The following DNAH6 variants were observed in gnomAD, a reference collection of about 807,000 sequenced individuals.
The protein encoded by DNAH6 is dynein axonemal heavy chain 6, also known as axonemal beta dynein heavy chain 6.
In DNAH6, 340 loss-of-function variants were observed where a neutral mutation model predicts 491.4. The ratio of observed to expected loss-of-function variants is 0.69; its 90% CI spans 0.63 to 0.76. DNAH6 has a LOEUF of 0.76. DNAH6 is among the 30% of genes least tolerant of loss of function. DNAH6 has a pLI of 0.00. For missense variants in DNAH6, 4,443 were observed against 4,972.2 expected, an observed-to-expected ratio of 0.89 and a Z score of 3.20; for synonymous variants, 1,603 against 1,686.1, an observed-to-expected ratio of 0.95 and a Z score of 1.21.
rs184618019 is a variant in DNAH6 at position 84,653,784 on chromosome 2, C to T, written c.5544C>T (p.Asn1848=). 4.5e-6 allele frequency: 7 copies of T among 1,551,432 alleles called. No homozygotes were observed. In the Admixed American group the frequency reaches 1.4e-4, roughly 30 times the overall value. The part of the protein sequence containing the change: ...DGPVDALWIE[N]MNTVLDDNKM... Reference sequence around the variant, plus strand: ...CAGTAGATGCTCTTTGGATTGAAAACATGAATACAGTGCTGGATGATAACA... The same window carrying T: ...CAGTAGATGCTCTTTGGATTGAAAATATGAATACAGTGCTGGATGATAACA... Residue 1848 remains asparagine (N), a synonymous_variant, in exon 34 of 77, where the codon AAC becomes AAT. Coordinates refer to ENST00000389394, the MANE Select transcript of DNAH6 (RefSeq NM_001370.2).
At chr2:84,577,736 T>C (rs896939827) in intron 13 of DNAH6, among the ~76,000 whole-genome samples, 2 of 128,028 alleles carry the variant, frequency 1.6e-5, no homozygotes, top group African/African-American at 6.0e-5. Flanking sequence ...TGGTTGATTC[T>C]AGACCACCGA....
In DNAH6 at chr2:84,594,037, C is replaced by T. The variant is rs1393353541; in HGVS notation, c.2676C>T (p.Leu892=). The T allele has an allele frequency of 1.4e-5, 22 of 1,550,782 alleles. No individual in the cohort carries two copies. In the Middle Eastern group the frequency reaches 5.0e-4, roughly 35 times the overall value. The part of the protein sequence containing the change: ...VSAELKLKQL[L]WDSFSEWDKL... ...CTGAACTGAAGCTCAAACAATTGCTCTGGGATTCTTTCTCTGAATGGGATA... is the reference window on the plus strand; with the variant it reads ...CTGAACTGAAGCTCAAACAATTGCTTTGGGATTCTTTCTCTGAATGGGATA... The change falls in exon 17 of 77, where the codon CTC becomes CTT. Residue 892 remains leucine (L), a synonymous_variant. Coordinates refer to ENST00000389394, the MANE Select transcript of DNAH6 (RefSeq NM_001370.2).
At chr2:84,757,780 T>C (rs1674189014) in intron 63 of DNAH6, among the ~76,000 whole-genome samples, 1 of 152,192 alleles carries the variant, frequency 6.6e-6, no homozygotes, top group Admixed American at 6.6e-5. Flanking sequence ...ATAACTCACT[T>C]CTATGGTACA....
At chr2:84,506,947 C>T in the DNAH6 span, among the ~76,000 whole-genome samples, 1 of 152,112 alleles carries the variant, frequency 6.6e-6, no homozygotes, top group African/African-American at 2.4e-5. Flanking sequence ...GGTACCAGTA[C>T]CATGCTGTTT....
chr2:84,619,675 T>A lies in DNAH6; in HGVS notation c.3573-10T>A. The A allele has an allele frequency of 6.5e-7, 1 of 1,549,534 alleles. No homozygotes were observed. The highest frequency in any genetic ancestry group is 8.7e-7 in the Non-Finnish European group (1 of 1,145,084). On this transcript the variant is annotated splice_polypyrimidine_tract_variant and intron_variant, in intron 23 of 76. Coordinates refer to ENST00000389394, the MANE Select transcript of DNAH6 (RefSeq NM_001370.2). ...TTCAAGTTATATTTTAAGGATGTTC[T>A]TTAATCCAGGTTTTACTTCTTGTCA...
In DNAH6 at chr2:84,704,187, A is replaced by C. The variant is rs1004534122; in HGVS notation, c.8350A>C (p.Asn2784His). The C allele has an allele frequency of 1.3e-6, 2 of 1,551,938 alleles. No homozygotes were observed. The highest frequency in any genetic ancestry group is 1.7e-6 in the Non-Finnish European group (2 of 1,147,064). The change falls in exon 51 of 77, where the codon AAT becomes CAT. Residue 2784 changes from asparagine to histidine, a missense_variant. By Grantham distance (68) the Asn-to-His change is moderately conservative. This residue lies in a region of DNAH6 where 1,463 missense variants were observed against 1,656.6 expected (regional missense o/e 0.88). Coordinates refer to ENST00000389394, the MANE Select transcript of DNAH6 (RefSeq NM_001370.2). The part of the protein sequence containing the change: ...DEALPALDAA[N>H]KALDSLDKAD... ...GGCACTACCTGCACTAGATGCTGCC[A>C]ATAAAGCACTGGATTCCTTAGATAA...
intron 70 of DNAH6, among the ~76,000 whole-genome samples, chr2:84,799,363 C>T (rs776246537): frequency 6.6e-6 from 1 of 152,252 alleles, no homozygotes; most frequent in Non-Finnish European, 1.5e-5. Flanking sequence ...GCCCAGAATG[C>T]CTGGGCTGGC....
At chr2:84,670,190 T>C (rs1692592470) in intron 38 of DNAH6, 138 bp from the exon 39 acceptor site, 1 of 604,142 alleles carries the variant, frequency 1.7e-6, no homozygotes, top group Admixed American at 3.6e-5. Flanking sequence ...GAATCTCCAG[T>C]AAGAGAAAGC....
intron 12 of DNAH6, among the ~76,000 whole-genome samples, chr2:84,573,976 G>C (rs1376508469): frequency 6.6e-6 from 1 of 151,794 alleles, no homozygotes; most frequent in African/African-American, 2.4e-5. Context: ...TTTTCTTCTG[G>C]GACTACATTA....
At chr2:84,663,640 C>T (rs1243652943) in intron 37 of DNAH6, among the ~76,000 whole-genome samples, 2 of 152,040 alleles carry the variant, frequency 1.3e-5, no homozygotes, top group African/African-American at 2.4e-5. Context: ...CTGAAAGTGA[C>T]GGGGAGAATG....
chr2:84,527,450 T>C (rs1288543380), intron 3 of DNAH6, among the ~76,000 whole-genome samples: 1 of 152,138 alleles, frequency 6.6e-6, no homozygotes, highest in Non-Finnish European at 1.5e-5. Flanking sequence ...GGAAGAAGTC[T>C]TCCACTTAGA....
intron 1 of DNAH6, 57 bp from the exon 2 acceptor site, chr2:84,517,762 T>G: frequency 3.7e-6 from 5 of 1,363,574 alleles, no homozygotes; most frequent in Non-Finnish European, 5.0e-6. Flanking sequence ...AGTAGCCTCC[T>G]TCCCCAATCC....
In DNAH6 at chr2:84,685,381, CT is replaced by C; in HGVS notation, c.6976del (p.Cys2326AlafsTer12). 6.5e-7 allele frequency: 1 copy of C among 1,529,228 alleles called. No individual in the cohort carries two copies. Among genetic ancestry groups the C allele is most frequent in the Admixed American group, 2.0e-5 (1 of 50,314 alleles). 94.7% of individuals were successfully genotyped at this position (1,529,228 alleles called of 1,614,324 possible). A position where few individuals can be genotyped will look rare whatever the true frequency, so the allele number is the denominator to read the frequency against. On this transcript the variant is annotated frameshift_variant, in exon 43 of 77. Transcript: ENST00000389394. LOFTEE classifies it high-confidence loss of function. ...GAGAAGAAATTCAGATATTTAGACT[CT>C]TTTGCCATGAGTGCCAAAGGGTCTT... ...IREEIQIFRL[F>X]CHECQRVFHD... is the part of the protein sequence containing the mutation.
chr2:84,665,127 A>G (rs1445209244), intron 37 of DNAH6, among the ~76,000 whole-genome samples: 2 of 152,218 alleles, frequency 1.3e-5, no homozygotes, highest in East Asian at 1.9e-4. Flanking sequence ...ATAGCACTAA[A>G]TGCCCACAAG....
At chr2:84,643,297 A>AT (rs981694211) in intron 33 of DNAH6, among the ~76,000 whole-genome samples, 2 of 149,806 alleles carry the variant, frequency 1.3e-5, no homozygotes, top group Non-Finnish European at 3.0e-5. Flanking sequence ...TTATTTCTAT[A>AT]TTTTTTCTTT....
chr2:84,738,304 A>G (rs1006267810), intron 62 of DNAH6, among the ~76,000 whole-genome samples: 5 of 152,144 alleles, frequency 3.3e-5, no homozygotes, highest in African/African-American at 1.2e-4. Flanking sequence ...ATATGCAGAT[A>G]AGAAGAATGG....
chr2:84,688,028 A>G (rs555826716), intron 44 of DNAH6, among the ~76,000 whole-genome samples: 13 of 152,218 alleles, frequency 8.5e-5, no homozygotes, highest in African/African-American at 2.9e-4. Context: ...TGAGGTCAGG[A>G]GCTCGAGATC....
intron 63 of DNAH6, among the ~76,000 whole-genome samples, chr2:84,749,154 G>A (rs1673228380): frequency 6.6e-6 from 1 of 152,172 alleles, no homozygotes; most frequent in Non-Finnish European, 1.5e-5. Flanking sequence ...ATTTCAACAT[G>A]AGATTTGGAG....
chr2:84,731,689 A>G (rs1307311712), intron 61 of DNAH6, among the ~76,000 whole-genome samples: 3 of 152,318 alleles, frequency 2.0e-5, no homozygotes, highest in South Asian at 2.1e-4. Context: ...GCTGTCTAAA[A>G]CAATAAAGTT....
Sources: allele counts gnomAD v4.1 joint callset (sites outside exome capture counted in the v4.1 genomes callset), GRCh38; gene constraint gnomAD v4.1.1; regional missense constraint gnomAD v4.1.1; transcripts MANE v1.5; gene names NCBI Gene and HGNC (gene_info 2026-07-23, HGNC 2026-07-21).